The following AGMO variants were observed in gnomAD, a reference collection of about 807,000 sequenced individuals.
The protein encoded by AGMO is alkylglycerol monooxygenase.
A neutral mutation model predicts 60.2 loss-of-function variants in AGMO; 75 were observed. The observed-to-expected ratio is 1.25, with a 90% CI of 1.03 to 1.51. AGMO has a LOEUF of 1.51. AGMO is among the 40% of genes most tolerant of loss of function. AGMO has a pLI of 0.00. For synonymous variants in AGMO, 261 were observed against 177.1 expected (o/e 1.47, Z -3.76); for missense variants, 763 against 525.5 (o/e 1.45, Z -4.42).
chr7:15,292,641 T>A (rs1784301581), intron 12 of AGMO, among the ~76,000 whole-genome samples: 1 of 151,584 alleles, frequency 6.6e-6, no homozygotes, highest in Non-Finnish European at 1.5e-5. Flanking sequence ...GAAAAGCTCC[T>A]ACGGACAAAA....
chr7:15,167,806 G>T, the AGMO span, among the ~76,000 whole-genome samples: 2 of 152,200 alleles, frequency 1.3e-5, no homozygotes, highest in South Asian at 4.1e-4. Flanking sequence ...ACTTTTGGAA[G>T]ATGTTCTGGA....
At chr7:15,540,809 AT>A in intron 3 of AGMO, among the ~76,000 whole-genome samples, 1 of 152,316 alleles carries the variant, frequency 6.6e-6, no homozygotes, top group Middle Eastern at 3.4e-3. Context: ...AAGAAATTGC[AT>A]TGGTGACATT....
At chr7:15,306,405 C>T (rs1228319700) in intron 12 of AGMO, 16 of 380,446 alleles carry the variant, frequency 4.2e-5, no homozygotes, top group Non-Finnish European at 8.5e-5. Context: ...TTTCAAGCTA[C>T]AAAAAAATAG....
At chr7:15,431,251 A>G (rs548590533) in intron 3 of AGMO, 143 bp from the exon 4 acceptor site, 11 of 611,586 alleles carry the variant, frequency 1.8e-5, no homozygotes, top group Non-Finnish European at 3.2e-5. Flanking sequence ...TATAATTAAA[A>G]TATGCTGCCT....
At chr7:15,165,071 A>G in the AGMO span, among the ~76,000 whole-genome samples, 1 of 152,142 alleles carries the variant, frequency 6.6e-6, no homozygotes, top group African/African-American at 2.4e-5. Context: ...AGAATAAATC[A>G]TGTCTTTCTC....
chr7:15,280,581 C>T (rs1052164036), intron 12 of AGMO, among the ~76,000 whole-genome samples: 11 of 152,174 alleles, frequency 7.2e-5, no homozygotes, highest in African/African-American at 2.4e-4. Flanking sequence ...CTTGAAAATC[C>T]AGAATACCTC....
chr7:15,322,961 G>C (rs1387242743), intron 12 of AGMO, among the ~76,000 whole-genome samples: 1 of 79,574 alleles, frequency 1.3e-5, no homozygotes, highest in Admixed American at 2.0e-4. Flanking sequence ...TATATAACAC[G>C]TGTGTGTATA....
chr7:15,561,773 G>T lies in AGMO; in HGVS notation c.73C>A (p.Pro25Thr), dbSNP rs1785315207. ...GFRMLFYTMKPSETSFQTLEE... is the reference protein window; with the variant it reads ...GFRMLFYTMKTSETSFQTLEE... ...AATGTTTGGAATGAAGTTTCACTGG[G>T]TTTCATCGTGTAAAACAACATGCGA... Residue 25 changes from proline (P) to threonine (T), a missense_variant, in exon 1 of 13, where the codon CCC becomes ACC. Physicochemically the swap from Pro to Thr is conservative, Grantham distance 38. Coordinates refer to ENST00000342526, the MANE Select transcript of AGMO (RefSeq NM_001004320.2). The T allele has an allele frequency of 1.9e-6, 3 of 1,611,908 alleles. No homozygotes were observed. Among genetic ancestry groups the T allele is most frequent in the Non-Finnish European group, 2.5e-6 (3 of 1,178,674 alleles).
chr7:15,470,282 C>G (rs1186321330), intron 3 of AGMO, among the ~76,000 whole-genome samples: 1 of 151,888 alleles, frequency 6.6e-6, no homozygotes, highest in Non-Finnish European at 1.5e-5. Flanking sequence ...CTGCTGGAAA[C>G]AAAAACTAGA....
chr7:15,157,911 C>A, the AGMO span, among the ~76,000 whole-genome samples: 3 of 152,128 alleles, frequency 2.0e-5, no homozygotes, highest in African/African-American at 7.2e-5. Flanking sequence ...GTTTCAAAAA[C>A]TTACTTGTGA....
chr7:15,395,235 G>A (rs894972509), intron 5 of AGMO, among the ~76,000 whole-genome samples: 6 of 152,134 alleles, frequency 3.9e-5, no homozygotes, highest in Non-Finnish European at 8.8e-5. Context: ...GAGGAATAAA[G>A]AAATGAGTTA....
intron 3 of AGMO, among the ~76,000 whole-genome samples, chr7:15,537,488 A>G (rs909039423): frequency 2.0e-5 from 3 of 152,164 alleles, no homozygotes; most frequent in Non-Finnish European, 4.4e-5. Flanking sequence ...TACTCCATTT[A>G]TGCCTTCTGA....
At chr7:15,338,702 T>G (rs1781740115) in intron 12 of AGMO, among the ~76,000 whole-genome samples, 1 of 152,094 alleles carries the variant, frequency 6.6e-6, no homozygotes, top group African/African-American at 2.4e-5. Flanking sequence ...CTAGTTGAAT[T>G]TACTCCCAAA....
intron 12 of AGMO, among the ~76,000 whole-genome samples, chr7:15,288,539 C>G (rs1784165072): frequency 6.6e-6 from 1 of 151,884 alleles, no homozygotes; most frequent in African/African-American, 2.4e-5. Flanking sequence ...AAGGCAGAGT[C>G]TTTCACATCC....
intron 3 of AGMO, among the ~76,000 whole-genome samples, chr7:15,535,917 T>C (rs1784474920): frequency 7.0e-6 from 1 of 143,560 alleles, no homozygotes; most frequent in Admixed American, 6.8e-5. Flanking sequence ...GTTATAATCC[T>C]AGCAATTAGG....
At chr7:15,326,756 C>T (rs1781349704) in intron 12 of AGMO, among the ~76,000 whole-genome samples, 2 of 151,984 alleles carry the variant, frequency 1.3e-5, no homozygotes, top group Non-Finnish European at 2.9e-5. Flanking sequence ...AAACAGATAC[C>T]ATTCATTTTG....
intron 3 of AGMO, among the ~76,000 whole-genome samples, chr7:15,478,267 T>C (rs1180941873): frequency 6.6e-6 from 1 of 152,174 alleles, no homozygotes; most frequent in East Asian, 1.9e-4. Flanking sequence ...TAATTTGATA[T>C]ATGACCTTGA....
intron 12 of AGMO, among the ~76,000 whole-genome samples, chr7:15,273,258 T>C (rs993246545): frequency 7.2e-5 from 11 of 152,152 alleles, no homozygotes; most frequent in African/African-American, 2.7e-4. Context: ...TTTATGGTTT[T>C]AGGTCTAACA....
intron 12 of AGMO, among the ~76,000 whole-genome samples, chr7:15,234,803 G>C (rs964373324): frequency 2.6e-5 from 4 of 152,108 alleles, no homozygotes; most frequent in African/African-American, 9.7e-5. Flanking sequence ...ATATGTCACT[G>C]AATATTATTC....
Sources: allele counts gnomAD v4.1 joint callset (sites outside exome capture counted in the v4.1 genomes callset), GRCh38; gene constraint gnomAD v4.1.1; transcripts MANE v1.5; gene names NCBI Gene and HGNC (gene_info 2026-07-23, HGNC 2026-07-21).